CDK19: variants seen among roughly 807,000 people sequenced by gnomAD.
The protein encoded by CDK19 is cyclin dependent kinase 19, also known as cyclin-dependent kinase 19.
A neutral mutation model predicts 68.3 loss-of-function variants in CDK19; 20 were observed. The ratio of observed to expected loss-of-function variants is 0.29; its 90% confidence interval spans 0.21 to 0.43. The LOEUF (loss-of-function observed/expected upper bound fraction) is 0.43. Ranked by LOEUF, CDK19 falls within the 20% of genes least tolerant of loss-of-function variation. The pLI is 1.00. For missense variants in CDK19, 339 were observed against 623.5 expected (o/e 0.54, Z 4.86); for synonymous variants, 221 against 222.8 (o/e 0.99, Z 0.07).
intron 4 of CDK19, among the ~76,000 whole-genome samples, chr6:110,640,112 T>C (rs887672769): frequency 6.6e-6 from 1 of 151,652 alleles, no homozygotes; most frequent in African/African-American, 2.4e-5. Flanking sequence ...TCCCTGCTAC[T>C]CAGGAGGCTG....
At chr6:110,727,500 T>C (rs186943533) in intron 2 of CDK19, among the ~76,000 whole-genome samples, 1 of 152,296 alleles carries the variant, frequency 6.6e-6, no homozygotes, top group Non-Finnish European at 1.5e-5. Flanking sequence ...ATAAGGTTCA[T>C]GATGGAAAGA....
chr6:110,668,133 T>C (rs1015941440), intron 3 of CDK19, among the ~76,000 whole-genome samples: 2 of 152,128 alleles, frequency 1.3e-5, no homozygotes, highest in African/African-American at 4.8e-5. Flanking sequence ...TACAACTGGG[T>C]CACCATATTC....
chr6:110,624,651 T>C (rs1325399975), intron 8 of CDK19, among the ~76,000 whole-genome samples: 1 of 152,250 alleles, frequency 6.6e-6, no homozygotes, highest in Non-Finnish European at 1.5e-5. Context: ...GCTTTTTATT[T>C]AATATTGTTC....
chr6:110,615,551 A>T (rs1220083711), intron 12 of CDK19, among the ~76,000 whole-genome samples: 1 of 152,238 alleles, frequency 6.6e-6, no homozygotes, highest in African/African-American at 2.4e-5. Flanking sequence ...AAACAGCAAG[A>T]AAATTATGAC....
chr6:110,655,466 T>C (rs1461576332), intron 4 of CDK19, among the ~76,000 whole-genome samples: 1 of 152,168 alleles, frequency 6.6e-6, no homozygotes, highest in Admixed American at 6.5e-5. Flanking sequence ...CAGAGATATG[T>C]TGACAGTAGC....
chr6:110,666,589 G>C (rs1449831489), intron 4 of CDK19, among the ~76,000 whole-genome samples: 1 of 151,926 alleles, frequency 6.6e-6, no homozygotes, highest in African/African-American at 2.4e-5. Context: ...GGTCCCAACG[G>C]ATACTAACTA....
chr6:110,791,040 A>T (rs1296182552), intron 1 of CDK19, among the ~76,000 whole-genome samples: 1 of 151,974 alleles, frequency 6.6e-6, no homozygotes, highest in Non-Finnish European at 1.5e-5. Context: ...GCATGGTGGC[A>T]GGCACCTGTA....
intron 2 of CDK19, among the ~76,000 whole-genome samples, chr6:110,742,768 T>C (rs752470563): frequency 2.0e-5 from 3 of 152,122 alleles, no homozygotes; most frequent in Non-Finnish European, 4.4e-5. Flanking sequence ...AAATTTTGGT[T>C]AGACCGGATC....
intron 4 of CDK19, among the ~76,000 whole-genome samples, chr6:110,662,397 T>C (rs920483059): frequency 2.6e-5 from 4 of 152,102 alleles, no homozygotes; most frequent in Non-Finnish European, 5.9e-5. Context: ...GAAAAAGAAA[T>C]AGTCTAACTG....
chr6:110,715,208 T>C (rs781634750), intron 2 of CDK19, among the ~76,000 whole-genome samples: 25 of 152,182 alleles, frequency 1.6e-4, no homozygotes, highest in Non-Finnish European at 3.2e-4. Context: ...TGAATTCACA[T>C]CTTATAATGC....
At position 110,613,933 on chromosome 6, in the gene CDK19, T is replaced by C. The variant is rs563733912; in HGVS notation, c.*602A>G. 6.5e-6 allele frequency: 1 copy of C among 152,760 alleles called. No homozygotes were observed. Among genetic ancestry groups the C allele is most frequent in the South Asian group, 2.1e-4 (1 of 4,824 alleles). The allele number at this position is 152,760 out of a possible 1,614,324, so 9.5% of individuals were successfully genotyped here. On this transcript the variant is annotated 3_prime_UTR_variant, in exon 13 of 13. Transcript: ENST00000368911. The stretch of plus-strand genomic sequence containing the variant: ...AGGCAGTTTTTGGTTGTAGGTTCCC[T>C]CTGTCCCACCGCTTGTCTTTTTATT...
At chr6:110,699,395 A>G (rs1773795775) in intron 2 of CDK19, among the ~76,000 whole-genome samples, 1 of 149,922 alleles carries the variant, frequency 6.7e-6, no homozygotes, top group Non-Finnish European at 1.5e-5. Context: ...ACTTCATTCC[A>G]GCTCGGGCAA....
In CDK19 at chr6:110,800,009, A is replaced by G. The variant is rs149117343; in HGVS notation, c.128+15000T>C. ...CATTTCCTTCTCCACGAGTCTCAACATATTCATCTACTCAGCAGTAAATAA... is the reference window on the plus strand; with the variant it reads ...CATTTCCTTCTCCACGAGTCTCAACGTATTCATCTACTCAGCAGTAAATAA... On this transcript the variant is annotated intron_variant, in intron 1 of 12. Transcript: ENST00000368911. 2.1e-3 allele frequency among the ~76,000 whole-genome samples: 321 copies of G among 152,320 alleles called. 2 individuals are homozygous for G. Among genetic ancestry groups the G allele is most frequent in the African/African-American group, 7.5e-3 (310 of 41,568 alleles).
At chr6:110,748,277 A>G (rs1017904704) in intron 1 of CDK19, among the ~76,000 whole-genome samples, 9 of 152,160 alleles carry the variant, frequency 5.9e-5, no homozygotes, top group Non-Finnish European at 1.2e-4. Context: ...TAACACATCA[A>G]ATTAATGGCT....
chr6:110,699,461 C>T (rs1019926241), intron 2 of CDK19, among the ~76,000 whole-genome samples: 1 of 149,718 alleles, frequency 6.7e-6, no homozygotes, highest in East Asian at 2.0e-4. Context: ...AAGCTGGAGG[C>T]CATTATTTTA....
chr6:110,789,793 C>T (rs1441001331), intron 1 of CDK19, among the ~76,000 whole-genome samples: 4 of 152,168 alleles, frequency 2.6e-5, no homozygotes, highest in Non-Finnish European at 5.9e-5. Context: ...ACATTTTATA[C>T]ATTTATGACA....
At chr6:110,667,719 T>A in intron 3 of CDK19, 145 bp from the exon 4 acceptor site, 1 of 465,784 alleles carries the variant, frequency 2.1e-6, no homozygotes, top group Non-Finnish European at 3.6e-6. Flanking sequence ...ATTTGAGTAA[T>A]AAGTTCAACC....
At chr6:110,796,270 G>A (rs1184161658) in intron 1 of CDK19, among the ~76,000 whole-genome samples, 2 of 152,196 alleles carry the variant, frequency 1.3e-5, no homozygotes, top group African/African-American at 2.4e-5. Context: ...CCAGGAGGCA[G>A]AGGCTGCAGT....
chr6:110,769,216 C>T (rs1193758347), intron 1 of CDK19, among the ~76,000 whole-genome samples: 3 of 142,232 alleles, frequency 2.1e-5, no homozygotes, highest in Admixed American at 7.0e-5. Flanking sequence ...AATAATGCAA[C>T]GATACTGAAT....
Sources: gnomAD v4.1 joint callset for allele counts (sites outside exome capture counted in the v4.1 genomes callset) on GRCh38, gnomAD v4.1.1 for gene constraint, MANE v1.5 for transcripts, NCBI Gene and HGNC (gene_info 2026-07-23, HGNC 2026-07-21) for gene names.